The following NTNG1 variants were observed in gnomAD, a reference collection of about 807,000 sequenced individuals.
NTNG1 encodes the protein netrin-G1.
In NTNG1, 16 loss-of-function variants were observed where a neutral mutation model predicts 54.0. The observed-to-expected ratio is 0.30, with a 90% confidence interval of 0.20 to 0.45. The LOEUF (loss-of-function observed/expected upper bound fraction) is 0.45, where lower values mean the gene tolerates loss of function less well. Ranked by LOEUF, NTNG1 falls within the 20% of genes least tolerant of loss-of-function variation. The pLI is 1.00. For missense variants in NTNG1, 530 were observed against 678.7 expected (o/e 0.78, Z 2.43); for synonymous variants, 255 against 263.1 (o/e 0.97, Z 0.30).
intron 2 of NTNG1, among the ~76,000 whole-genome samples, chr1:107,242,833 A>G (rs1661935976): frequency 6.6e-6 from 1 of 152,188 alleles, no homozygotes; most frequent in Admixed American, 6.5e-5. Flanking sequence ...GTTTTGTTGG[A>G]TTTATAATTT....
intron 2 of NTNG1, among the ~76,000 whole-genome samples, chr1:107,247,474 C>G (rs1027634044): frequency 6.6e-6 from 1 of 152,190 alleles, no homozygotes; most frequent in Non-Finnish European, 1.5e-5. Context: ...GATTCTTCTT[C>G]TGTAAAGTGA....
intron 2 of NTNG1, among the ~76,000 whole-genome samples, chr1:107,223,770 G>A (rs933592940): frequency 6.6e-6 from 1 of 152,116 alleles, no homozygotes; most frequent in Admixed American, 6.6e-5. Flanking sequence ...TTTCTTTTAA[G>A]GTCAGAAAAC....
intron 2 of NTNG1, among the ~76,000 whole-genome samples, chr1:107,159,535 G>GT (rs1174609347): frequency 6.6e-6 from 1 of 152,112 alleles, no homozygotes; most frequent in Non-Finnish European, 1.5e-5. Context: ...ACTCACCAGA[G>GT]TAATTGGAGC....
chr1:107,239,031 A>G (rs551595442), intron 2 of NTNG1, among the ~76,000 whole-genome samples: 1 of 152,306 alleles, frequency 6.6e-6, no homozygotes, highest in South Asian at 2.1e-4. Flanking sequence ...TGCTGACTTT[A>G]TACCAAACAA....
intron 3 of NTNG1, among the ~76,000 whole-genome samples, chr1:107,332,087 G>A (rs1668316163): frequency 2.6e-5 from 4 of 151,754 alleles, no homozygotes; most frequent in Non-Finnish European, 4.4e-5. Flanking sequence ...GACAACTGAG[G>A]GACATTCTGA....
chr1:107,197,641 G>T (rs895374716), intron 2 of NTNG1, among the ~76,000 whole-genome samples: 1 of 151,880 alleles, frequency 6.6e-6, no homozygotes, highest in Non-Finnish European at 1.5e-5. Flanking sequence ...TTGGCCCTCT[G>T]TCTTCAGGCT....
chr1:107,430,581 T>C (rs1200297848), intron 5 of NTNG1, 169 bp from the exon 6 acceptor site: 1 of 768,330 alleles, frequency 1.3e-6, no homozygotes, highest in African/African-American at 1.7e-5. Context: ...ACAGATGCTA[T>C]TTCCGTGCCA....
chr1:107,351,904 C>T (rs12039016), intron 3 of NTNG1, among the ~76,000 whole-genome samples: 14,925 of 152,194 alleles, frequency 0.098, 857 homozygotes, highest in East Asian at 0.16. Flanking sequence ...AAGGGAGAAA[C>T]CAGCCAAAAG....
At chr1:107,475,088 G>A (rs1389659779) in intron 7 of NTNG1, among the ~76,000 whole-genome samples, 1 of 152,158 alleles carries the variant, frequency 6.6e-6, no homozygotes, top group Admixed American at 6.5e-5. Context: ...AGTAACAATT[G>A]ATACTATCAA....
intron 2 of NTNG1, among the ~76,000 whole-genome samples, chr1:107,176,903 T>C (rs1219991310): frequency 6.6e-6 from 1 of 152,214 alleles, no homozygotes; most frequent in Non-Finnish European, 1.5e-5. Flanking sequence ...TTTCCTGTTA[T>C]AGGTGGCTAT....
At chr1:107,171,943 AT>A (rs965847606) in intron 2 of NTNG1, among the ~76,000 whole-genome samples, 1 of 147,748 alleles carries the variant, frequency 6.8e-6, no homozygotes, top group Admixed American at 6.7e-5. Context: ...TTTATTTTTT[AT>A]TTTTTTTGAG....
chr1:107,415,384 CA>C, intron 5 of NTNG1, among the ~76,000 whole-genome samples: 2 of 152,270 alleles, frequency 1.3e-5, no homozygotes, highest in East Asian at 3.9e-4. Context: ...ATACAGGCAT[CA>C]CCCTTCCATG....
intron 2 of NTNG1, among the ~76,000 whole-genome samples, chr1:107,243,807 G>A (rs1662003371): frequency 6.6e-6 from 1 of 151,880 alleles, no homozygotes; most frequent in Non-Finnish European, 1.5e-5. Flanking sequence ...CTCTGCACTC[G>A]AATCATTTTA....
chr1:107,319,750 A>C (rs1353380428), intron 2 of NTNG1, among the ~76,000 whole-genome samples: 2 of 152,014 alleles, frequency 1.3e-5, no homozygotes, highest in Non-Finnish European at 2.9e-5. Flanking sequence ...TCGCGTAAGA[A>C]TTCTCTTCAT....
chr1:107,440,349 C>A, intron 7 of NTNG1, among the ~76,000 whole-genome samples: 1 of 152,150 alleles, frequency 6.6e-6, no homozygotes, highest in South Asian at 2.1e-4. Flanking sequence ...TGAATATGCT[C>A]TTTGAGTAGA....
At chr1:107,418,773 A>G (rs1391096991) in intron 5 of NTNG1, 3 of 606,620 alleles carry the variant, frequency 4.9e-6, no homozygotes, top group South Asian at 2.3e-5. Context: ...TCATAATTCA[A>G]TCTTTTTTTC....
chr1:107,427,186 G>A (rs1163289041), intron 5 of NTNG1, among the ~76,000 whole-genome samples: 1 of 152,036 alleles, frequency 6.6e-6, no homozygotes, highest in Non-Finnish European at 1.5e-5. Flanking sequence ...TCTCTTGCCT[G>A]ATAGCTCTGG....
At chr1:107,425,087 T>C (rs1674810411) in intron 5 of NTNG1, among the ~76,000 whole-genome samples, 1 of 152,024 alleles carries the variant, frequency 6.6e-6, no homozygotes, top group African/African-American at 2.4e-5. Context: ...TTGAGGTTTA[T>C]GGTCATGAAC....
chr1:107,142,769 T>A (rs1570693243), intron 1 of NTNG1, among the ~76,000 whole-genome samples: 1 of 67,450 alleles, frequency 1.5e-5, no homozygotes, highest in Admixed American at 1.4e-4. Flanking sequence ...CAAAAAATAA[T>A]TTTTTTTTTT....
Sources: allele counts gnomAD v4.1 joint callset (sites outside exome capture counted in the v4.1 genomes callset), GRCh38; gene constraint gnomAD v4.1.1; transcripts MANE v1.5; gene names NCBI Gene and HGNC (gene_info 2026-07-23, HGNC 2026-07-21).